The following PCDHGB1 variants were observed in gnomAD, a reference collection of about 807,000 sequenced individuals.
The protein encoded by PCDHGB1 is protocadherin gamma-B1.
PCDHGB1 carries 34 observed loss-of-function variants against 56.6 expected under a neutral mutation model. That is an observed-to-expected ratio of 0.60 (90% CI 0.46 to 0.80). The LOEUF (loss-of-function observed/expected upper bound fraction) is 0.80. PCDHGB1 is among the 30% of genes least tolerant of loss of function. The pLI, the probability that PCDHGB1 is intolerant of heterozygous loss-of-function variation, is 0.00. For missense variants in PCDHGB1, 1,278 were observed against 1,204.6 expected (o/e 1.06, Z -0.90); for synonymous variants, 561 against 505.9 (o/e 1.11, Z -1.46).
chr5:141,385,615 T>C, intron 1 of PCDHGB1: 2 of 1,097,512 alleles, frequency 1.8e-6, no homozygotes, highest in East Asian at 4.2e-5. Flanking sequence ...ATATATTTTA[T>C]ACATTGGAAT....
intron 1 of PCDHGB1, chr5:141,375,727 G>T (rs1771811677): frequency 6.2e-7 from 1 of 1,614,262 alleles, no homozygotes; most frequent in East Asian, 2.2e-5. Flanking sequence ...ACGTGTCACT[G>T]AGCCTGTTTG....
rs1259831891 is a variant in PCDHGB1 at position 141,383,082 on chromosome 5, G to C, written c.2409+30413G>C. 36 of 1,613,934 alleles carry C rather than the reference G, an allele frequency of 2.2e-5. 1 individual carries two copies. The highest frequency in any genetic ancestry group is 3.1e-5 in the Non-Finnish European group (36 of 1,179,910). ...GGCTGGAGCCCCGGGAGCTGGCGGA[G>C]CGCGGAGTCCGCATCATCTCCAGAG... On this transcript the variant is annotated intron_variant, in intron 1 of 3. Transcript: ENST00000523390.
At chr5:141,371,515 T>C in intron 1 of PCDHGB1, 1 of 1,613,844 alleles carries the variant, frequency 6.2e-7, no homozygotes, top group Non-Finnish European at 8.5e-7. Context: ...ACACATGATC[T>C]AGATTCTGGA....
intron 1 of PCDHGB1, among the ~76,000 whole-genome samples, chr5:141,426,115 G>A (rs574477590): frequency 4.6e-5 from 7 of 152,364 alleles, no homozygotes; most frequent in South Asian, 2.1e-4. Flanking sequence ...GAAGCAAGTC[G>A]GAGAGTGGCC....
At position 141,489,185 on chromosome 5, in the gene PCDHGB1, T is replaced by TCTA; in HGVS notation, c.2410-5620_2410-5618dup. Reference sequence around the variant, plus strand: ...CAGCTGCTGCATTCCAAGCCCTGGGTCTACCTTGGAGACAGGACAGCACAG... The same window carrying TCTA: ...CAGCTGCTGCATTCCAAGCCCTGGGTCTACTACCTTGGAGACAGGACAGCACAG... On this transcript the variant is annotated intron_variant, in intron 1 of 3. Coordinates refer to ENST00000523390, the MANE Select transcript of PCDHGB1 (RefSeq NM_018922.3). This position sits in a 1 kb window ranked among gnomAD's most constrained non-coding sequence, Gnocchi z 4.5. 7.8e-7 allele frequency: 1 copy of TCTA among 1,286,838 alleles called. No homozygotes were observed. The highest frequency in any genetic ancestry group is 1.5e-5 in the South Asian group (1 of 65,798). The allele number at this position is 1,286,838 out of a possible 1,614,324, so 79.7% of individuals were successfully genotyped here.
chr5:141,389,124 C>A, intron 1 of PCDHGB1: 1 of 1,613,996 alleles, frequency 6.2e-7, no homozygotes, highest in Non-Finnish European at 8.5e-7. Flanking sequence ...CGAGCAGAAT[C>A]CAGAGTACAA....
intron 1 of PCDHGB1, chr5:141,399,029 A>G: frequency 6.2e-7 from 1 of 1,613,912 alleles, no homozygotes. Context: ...ACCACTCAAA[A>G]GAAACTGGAT....
chr5:141,376,780 G>A (rs1466188950), intron 1 of PCDHGB1: 2 of 383,610 alleles, frequency 5.2e-6, no homozygotes, highest in African/African-American at 2.2e-5. Flanking sequence ...TCCGCTTCCC[G>A]GGTTCACGCC....
At chr5:141,409,652 A>G in intron 1 of PCDHGB1, 1 of 1,613,654 alleles carries the variant, frequency 6.2e-7, no homozygotes, top group Non-Finnish European at 8.5e-7. Flanking sequence ...TTTGGGGCTC[A>G]ATGGCCACAT....
Position 141,485,449 on chromosome 5 carries a change from A to G in PCDHGB1, c.2410-9358A>G, listed in dbSNP as rs2099613844. 6.2e-7 allele frequency: 1 copy of G among 1,614,054 alleles called. No homozygotes were observed. The highest frequency in any genetic ancestry group is 2.2e-5 in the East Asian group (1 of 44,876). On this transcript the variant is annotated intron_variant, in intron 1 of 3. Coordinates refer to ENST00000523390, the MANE Select transcript of PCDHGB1 (RefSeq NM_018922.3). The surrounding 1 kb of genome is among the most constrained non-coding windows in gnomAD (Gnocchi z 5.7). ...TGCTCATCAAGAACCCAATCGACCG[A>G]GAGGCACTGTGTGGGCTCAGTGCCA...
At position 141,511,399 on chromosome 5, in the gene PCDHGB1, A is replaced by C; in HGVS notation, c.*226A>C. 1.0e-6 allele frequency: 1 copy of C among 987,714 alleles called. No homozygotes were observed. The highest frequency in any genetic ancestry group is 1.4e-6 in the Non-Finnish European group (1 of 693,342). The allele number at this position is 987,714 out of a possible 1,614,324, so 61.2% of individuals were successfully genotyped here. ...CAGTTCCGCTGGGAACCCCCATCCA[A>C]TCAACTGCTGTACCCATGGGGGTAG... On this transcript the variant is annotated 3_prime_UTR_variant, in exon 4 of 4. Transcript: ENST00000523390.
intron 1 of PCDHGB1, among the ~76,000 whole-genome samples, chr5:141,363,990 A>T (rs1763134181): frequency 6.6e-6 from 1 of 152,268 alleles, no homozygotes; most frequent in South Asian, 2.1e-4. Flanking sequence ...TTAAAGCTGA[A>T]TTAACGGTCA....
intron 1 of PCDHGB1, chr5:141,400,053 G>C: frequency 6.2e-7 from 1 of 1,613,736 alleles, no homozygotes; most frequent in Non-Finnish European, 8.5e-7. Flanking sequence ...TGGTTGCTGT[G>C]CGTGATGGTG....
chr5:141,351,919 C>T lies in PCDHGB1; in HGVS notation c.1659C>T (p.Asp553=). Residue 553 remains aspartate, a synonymous_variant, in exon 1 of 4, where the codon GAC becomes GAT. Coordinates refer to ENST00000523390, the MANE Select transcript of PCDHGB1 (RefSeq NM_018922.3). ...GCGTGTTGGTGGGCGACCTCAATGA[C>T]AATGCGCCACGGGTGCTGTACCCCG... is the stretch of plus-strand genomic sequence containing the variant. The part of the protein sequence containing the change: ...SLRVLVGDLN[D]NAPRVLYPAL... The T allele has an allele frequency of 1.2e-6, 2 of 1,613,366 alleles. No homozygotes were observed. Among genetic ancestry groups the T allele is most frequent in the African/African-American group, 1.3e-5 (1 of 75,062 alleles).
intron 1 of PCDHGB1, chr5:141,484,931 A>G (rs940135310): frequency 1.4e-5 from 7 of 497,998 alleles, no homozygotes; most frequent in Non-Finnish European, 2.5e-5. Flanking sequence ...TGCTGTTGGG[A>G]CGTTCTCTGC....
intron 1 of PCDHGB1, chr5:141,421,331 C>T: frequency 1.2e-6 from 2 of 1,613,856 alleles, no homozygotes; most frequent in East Asian, 2.2e-5. Flanking sequence ...ATCCGATATT[C>T]GGTGCCAGAA....
chr5:141,374,510 C>A, intron 1 of PCDHGB1: 1 of 1,611,824 alleles, frequency 6.2e-7, no homozygotes, highest in Non-Finnish European at 8.5e-7. Flanking sequence ...AGTGAAAATT[C>A]TCGAAAACGC....
intron 1 of PCDHGB1, among the ~76,000 whole-genome samples, chr5:141,456,733 G>A (rs1186997201): frequency 6.6e-6 from 1 of 152,182 alleles, no homozygotes; most frequent in Non-Finnish European, 1.5e-5. Context: ...GGGAGGCTGA[G>A]GCGGGAGCAT....
At chr5:141,500,411 G>A (rs376320602) in intron 2 of PCDHGB1, among the ~76,000 whole-genome samples, 4 of 151,592 alleles carry the variant, frequency 2.6e-5, no homozygotes, top group East Asian at 2.0e-4. Context: ...GGGTTTCACC[G>A]TGTTAGCCAG....
Sources: allele counts gnomAD v4.1 joint callset (sites outside exome capture counted in the v4.1 genomes callset), GRCh38; gene constraint gnomAD v4.1.1; non-coding constraint Gnocchi (gnomAD v3.1); transcripts MANE v1.5; gene names NCBI Gene and HGNC (gene_info 2026-07-23, HGNC 2026-07-21).